TSHZ3: variants seen among roughly 807,000 people sequenced by gnomAD.
The protein encoded by TSHZ3 is teashirt zinc finger homeobox 3.
Under a neutral mutation model 64.5 loss-of-function variants are expected in TSHZ3, and 10 were observed. That is an observed-to-expected ratio of 0.16 (90% CI 0.10 to 0.26). TSHZ3 has a LOEUF of 0.26. Among genes scored for constraint, TSHZ3 ranks in the 10% least tolerant of loss-of-function variants. The pLI is 1.00. For missense variants in TSHZ3, 1,242 were observed against 1,421.7 expected (o/e 0.87, Z 2.03); for synonymous variants, 608 against 593.1 (o/e 1.03, Z -0.36).
chr19:31,275,900 AG>A lies in TSHZ3; in HGVS notation c.*646del, dbSNP rs1976221582. The A allele has an allele frequency of 6.6e-6, 1 of 152,658 alleles. No individual in the cohort carries two copies. The highest frequency in any genetic ancestry group is 2.4e-5 in the African/African-American group (1 of 41,462). The allele number at this position is 152,658 out of a possible 1,614,324, so 9.5% of individuals were successfully genotyped here. ...CACTGTTGCTATAAATGCAAGAAAA[AG>A]GTCATTTAACCACAATCACATTTTT... On this transcript the variant is annotated 3_prime_UTR_variant, in exon 2 of 2. Coordinates refer to ENST00000240587, the MANE Select transcript of TSHZ3 (RefSeq NM_020856.4).
rs1976331239 is a variant in TSHZ3, at chr19:31,279,848, T to A, written c.41-96A>T. On this transcript the variant is annotated intron_variant, in intron 1 of 1. Transcript: ENST00000240587. This position sits in a 1 kb window ranked among gnomAD's most constrained non-coding sequence, Gnocchi z 6.4. ...AGAAAAAAAAAAGCATTAGTACTTG[T>A]TGATCTTACCTAGAATATGTTCTGG... is the stretch of plus-strand genomic sequence containing the variant. The A allele has an allele frequency of 5.3e-6, 6 of 1,136,892 alleles. No homozygotes were observed. In the South Asian group the frequency reaches 1.2e-4, roughly 22 times the overall value. The allele number at this position is 1,136,892 out of a possible 1,614,324, so 70.4% of individuals were successfully genotyped here.
At chr19:31,289,017 G>A (rs187520628) in intron 1 of TSHZ3, among the ~76,000 whole-genome samples, 1 of 152,356 alleles carries the variant, frequency 6.6e-6, no homozygotes, top group East Asian at 1.9e-4. Context: ...ATGGGAAGAT[G>A]CAACTGGCCA....
At chr19:31,217,849 T>C (rs1975353214) in intron 4 of TSHZ3, among the ~76,000 whole-genome samples, 1 of 152,160 alleles carries the variant, frequency 6.6e-6, no homozygotes, top group Non-Finnish European at 1.5e-5. Context: ...TAACCACTGG[T>C]CTTTTCACTG....
chr19:31,183,228 T>TCTCTTTC (rs1568340034), intron 5 of TSHZ3, among the ~76,000 whole-genome samples: 1 of 12,556 alleles, frequency 8.0e-5, no homozygotes, highest in African/African-American at 2.5e-4. Flanking sequence ...CTCTCTCTCT[T>TCTCTTTC]TCTCTCTCTC....
chr19:31,244,090 C>T (rs1162240263), intron 1 of TSHZ3, among the ~76,000 whole-genome samples: 1 of 152,084 alleles, frequency 6.6e-6, no homozygotes, highest in Non-Finnish European at 1.5e-5. Context: ...TTATTTGAAA[C>T]TTTATATATA....
intron 1 of TSHZ3, among the ~76,000 whole-genome samples, chr19:31,257,420 C>T (rs190798001): frequency 2.0e-5 from 3 of 152,306 alleles, no homozygotes; most frequent in Non-Finnish European, 4.4e-5. Flanking sequence ...CGGAACATGA[C>T]CCCGTAAGCA....
intron 1 of TSHZ3, among the ~76,000 whole-genome samples, chr19:31,286,993 A>T (rs1261540515): frequency 6.6e-6 from 1 of 152,262 alleles, no homozygotes; most frequent in African/African-American, 2.4e-5. Flanking sequence ...TGTCATATAA[A>T]TATAAAACAG....
In TSHZ3 at chr19:31,278,449, T is replaced by A; in HGVS notation, c.1344A>T (p.Ala448=). The change falls in exon 2 of 2, where the codon GCA becomes GCT. Residue 448 remains alanine, a synonymous_variant. Transcript: ENST00000240587. This position sits in a 1 kb window ranked among gnomAD's most constrained non-coding sequence, Gnocchi z 4.7. ...TGGAGGGGGACGTGAAGGTGGTGGC[T>A]GCCAGGGGCACGGACTGGACCTTCT... ...LDEKVQSVPL[A]ATTFTSPSNT... 7 of 1,614,170 alleles carry A rather than the reference T, an allele frequency of 4.3e-6. No individual in the cohort carries two copies. Among genetic ancestry groups the A allele is most frequent in the Non-Finnish European group, 5.9e-6 (7 of 1,180,038 alleles).
chr19:31,281,695 C>T (rs117137197), intron 1 of TSHZ3, among the ~76,000 whole-genome samples: 7,707 of 152,304 alleles, frequency 0.051, 280 homozygotes, highest in South Asian at 0.1. Context: ...GGCTCCTGTG[C>T]TAGCCACAGT....
At chr19:31,333,473 T>A (rs1297149775) in intron 1 of TSHZ3, among the ~76,000 whole-genome samples, 1 of 152,102 alleles carries the variant, frequency 6.6e-6, no homozygotes, top group African/African-American at 2.4e-5. Flanking sequence ...TTCACCCGCA[T>A]ATCATCTTGA....
chr19:31,246,877 G>C (rs1257468807), intron 1 of TSHZ3, among the ~76,000 whole-genome samples: 1 of 151,980 alleles, frequency 6.6e-6, no homozygotes, highest in Admixed American at 6.6e-5. Context: ...AATGCTCAAA[G>C]AATAACAGGG....
rs770738477 is a variant in TSHZ3 at position 31,277,322 on chromosome 19, G to A, written c.2471C>T (p.Thr824Met). 53 of 1,613,096 alleles carry A rather than the reference G, an allele frequency of 3.3e-5. No homozygotes were observed. Among genetic ancestry groups the A allele is most frequent in the South Asian group, 9.9e-5 (9 of 91,070 alleles). Residue 824 changes from threonine (T) to methionine (M), a missense_variant, in exon 2 of 2, where the codon ACG becomes ATG. Transcript: ENST00000240587. The surrounding 1 kb of genome is among the most constrained non-coding windows in gnomAD (Gnocchi z 4.5). ...APATSSSTVT[T>M]AKTSAVVSFM... ...TGATACGACGGCAGATGTCTTTGCC[G>A]TTGTCACCGTGGATGAGGAGGTTGC...
At chr19:31,267,696 G>A (rs1168870117) in intron 1 of TSHZ3, among the ~76,000 whole-genome samples, 1 of 152,066 alleles carries the variant, frequency 6.6e-6, no homozygotes, top group Non-Finnish European at 1.5e-5. Flanking sequence ...CTCGCCCTTT[G>A]GAAGGGAGTC....
chr19:31,276,540 G>T lies in TSHZ3; in HGVS notation c.*7C>A, dbSNP rs770344502. 6 of 1,533,944 alleles carry T rather than the reference G, an allele frequency of 3.9e-6. No homozygotes were observed. In the South Asian group the frequency reaches 7.7e-5, roughly 20 times the overall value. ...CAAACTGCAGTCCTTTCTATCAAAAGCAAATGCTACTGCTTCTCTAACTCA... is the reference window on the plus strand; with the variant it reads ...CAAACTGCAGTCCTTTCTATCAAAATCAAATGCTACTGCTTCTCTAACTCA... On this transcript the variant is annotated 3_prime_UTR_variant, in exon 2 of 2. Coordinates refer to ENST00000240587, the MANE Select transcript of TSHZ3 (RefSeq NM_020856.4).
intron 4 of TSHZ3, among the ~76,000 whole-genome samples, chr19:31,207,037 A>G (rs2145156049): frequency 6.6e-6 from 1 of 152,340 alleles, no homozygotes; most frequent in East Asian, 1.9e-4. Flanking sequence ...TTTCTTTAAG[A>G]CTAGGCGGGA....
intron 4 of TSHZ3, among the ~76,000 whole-genome samples, chr19:31,222,308 T>C (rs906034729): frequency 1.3e-5 from 2 of 152,206 alleles, no homozygotes; most frequent in Admixed American, 6.5e-5. Context: ...CCAGTATATA[T>C]TGGAGTCCAC....
intron 4 of TSHZ3, among the ~76,000 whole-genome samples, chr19:31,212,157 C>G (rs1975265375): frequency 6.6e-6 from 1 of 151,140 alleles, no homozygotes. Context: ...TGTTAAAAAG[C>G]AAAAAAAGCA....
chr19:31,205,414 G>A (rs1036315337), intron 4 of TSHZ3, among the ~76,000 whole-genome samples: 10 of 152,086 alleles, frequency 6.6e-5, no homozygotes, highest in African/African-American at 2.2e-4. Flanking sequence ...GCAAGTCTGC[G>A]TTGCTCCCTC....
intron 1 of TSHZ3, among the ~76,000 whole-genome samples, chr19:31,324,680 T>G: frequency 6.6e-6 from 1 of 152,188 alleles, no homozygotes; most frequent in East Asian, 1.9e-4. Context: ...AGTCCCTCTG[T>G]CTCCACTACC....
Sources: allele counts gnomAD v4.1 joint callset (sites outside exome capture counted in the v4.1 genomes callset), GRCh38; gene constraint gnomAD v4.1.1; non-coding constraint Gnocchi (gnomAD v3.1); transcripts MANE v1.5; gene names NCBI Gene and HGNC (gene_info 2026-07-23, HGNC 2026-07-21).